Variants in AKR1C2 observed in about 807,000 individuals in gnomAD.
AKR1C2 encodes the protein 3-alpha-HSD3.
Under a neutral mutation model 39.8 loss-of-function variants are expected in AKR1C2, and 27 were observed. That is an observed-to-expected ratio of 0.68 (90% CI 0.50 to 0.93). The LOEUF is 0.93. Ranked by LOEUF, AKR1C2 falls within the 40% of genes least tolerant of loss-of-function variation. The pLI, the probability that AKR1C2 is intolerant of heterozygous loss-of-function variation, is 0.00. For synonymous variants in AKR1C2, 114 were observed against 137.9 expected (o/e 0.83, Z 1.22); for missense variants, 263 against 365.1 (o/e 0.72, Z 2.28).
upstream of AKR1C2, among the ~76,000 whole-genome samples, chr10:5,008,802 T>G (rs144517792): frequency 1.0e-2 from 1,521 of 152,322 alleles, 7 homozygotes; most frequent in African/African-American, 0.035. Context: ...TGCAAAGAAC[T>G]CCGAATATTT....
intron 7 of AKR1C2, 111 bp downstream of exon 7, chr10:4,995,208 G>A (rs1437773590): frequency 1.5e-6 from 2 of 1,362,082 alleles, no homozygotes; most frequent in Non-Finnish European, 1.9e-6. Flanking sequence ...TTCATGCATA[G>A]GAAATACAGG....
At chr10:4,997,242 A>C (rs1310414247) in intron 5 of AKR1C2, 1 of 152,318 alleles carries the variant, frequency 6.6e-6, no homozygotes, top group African/African-American at 2.4e-5. Context: ...ATTTACAGGA[A>C]CCTTCAACTG....
At chr10:5,008,991 G>A (rs2131721514), upstream of AKR1C2, among the ~76,000 whole-genome samples, 2 of 152,280 alleles carry the variant, frequency 1.3e-5, no homozygotes, top group East Asian at 1.9e-4. Flanking sequence ...TCTGTGAGAG[G>A]CTGTGGAAGC....
In AKR1C2 at chr10:4,995,589, C is replaced by T. The variant is rs527469122; in HGVS notation, c.681-105G>A. On this transcript the variant is annotated intron_variant, in intron 6 of 8. Coordinates refer to ENST00000380753, the MANE Select transcript of AKR1C2 (RefSeq NM_001393392.1). ...CCACTCTGCACCGGAGCTTCTCAAG[C>T]GAGGCCCCCGAACAGCAGCCTCAAC... is the stretch of plus-strand genomic sequence containing the variant. 1.4e-5 allele frequency: 21 copies of T among 1,468,038 alleles called. No individual in the cohort carries two copies. In the African/African-American group the frequency reaches 2.4e-4, roughly 17 times the overall value. The allele number at this position is 1,468,038 out of a possible 1,614,324, so 90.9% of individuals were successfully genotyped here.
rs1173863874 is a variant in AKR1C2, at chr10:5,017,381, G to A, written c.-88+519C>T. On this transcript the variant is annotated intron_variant, in intron 1 of 6. Coordinates refer to the AKR1C2 transcript ENST00000604507. ...GAGGCAGCCAGGCCACATCTTGCTTGCTTTGATGCTTAGAAATTTCTTCCA... is the reference window on the plus strand; with the variant it reads ...GAGGCAGCCAGGCCACATCTTGCTTACTTTGATGCTTAGAAATTTCTTCCA... 2.0e-5 allele frequency among the ~76,000 whole-genome samples: 3 copies of A among 152,176 alleles called. No homozygotes were observed. In the East Asian group the frequency reaches 5.8e-4, roughly 29 times the overall value.
chr10:5,011,528 A>T (rs782402514), intron 1 of AKR1C2, among the ~76,000 whole-genome samples: 3 of 152,184 alleles, frequency 2.0e-5, no homozygotes, highest in African/African-American at 7.2e-5. Context: ...AGCTTTTGGC[A>T]AGATGGTCTA....
Position 4,989,557 on chromosome 10 carries a change from C to T in AKR1C2, c.*439G>A, listed in dbSNP as rs1282993732. 25 of 169,410 alleles carry T rather than the reference C, an allele frequency of 1.5e-4. No individual in the cohort carries two copies. The highest frequency in any genetic ancestry group is 5.4e-4 in the African/African-American group (22 of 40,920). The allele number at this position is 169,410 out of a possible 1,614,324, so 10.5% of individuals were successfully genotyped here. A position where few individuals can be genotyped will look rare whatever the true frequency, so the allele number is the denominator to read the frequency against. On this transcript the variant is annotated 3_prime_UTR_variant, in exon 9 of 9. Transcript: ENST00000380753. Reference sequence around the variant, plus strand: ...TCCTCTAGACTCCATCCTGCGTGTGCTTCTTCCTACAAGAGCTAGAGAGGC... The same window carrying T: ...TCCTCTAGACTCCATCCTGCGTGTGTTTCTTCCTACAAGAGCTAGAGAGGC...
At chr10:4,991,185 A>C (rs1247059035) in intron 8 of AKR1C2, among the ~76,000 whole-genome samples, 1 of 151,286 alleles carries the variant, frequency 6.6e-6, no homozygotes, top group Non-Finnish European at 1.5e-5. Flanking sequence ...ACACTTCCTC[A>C]TTCTCTACAC....
chr10:5,011,575 G>C (rs1280774389), intron 1 of AKR1C2, among the ~76,000 whole-genome samples: 1 of 152,176 alleles, frequency 6.6e-6, no homozygotes, highest in South Asian at 2.1e-4. Flanking sequence ...CTGGCTGCAC[G>C]CACATTGATC....
At position 4,995,908 on chromosome 10, in the gene AKR1C2, T is replaced by A. The variant is rs555081842; in HGVS notation, c.571-43A>T. ...GGAAAAGCATCAGATAATCCAAAAG[T>A]TACATTAATATTAAAATCACCAAAG... On this transcript the variant is annotated intron_variant, in intron 5 of 8. Coordinates refer to ENST00000380753, the MANE Select transcript of AKR1C2 (RefSeq NM_001393392.1). 29 of 1,572,684 alleles carry A rather than the reference T, an allele frequency of 1.8e-5. 2 individuals are homozygous for A. In the South Asian group the frequency reaches 2.3e-4, roughly 12 times the overall value.
intron 1 of AKR1C2, among the ~76,000 whole-genome samples, chr10:5,009,616 GC>G (rs71499621): frequency 0.15 from 22,643 of 151,204 alleles, 2,018 homozygotes; most frequent in South Asian, 0.24. Flanking sequence ...CCCAGCAAAG[GC>G]CCCCACCTTT....
intron 1 of AKR1C2, among the ~76,000 whole-genome samples, chr10:5,009,879 G>T (rs1185536040): frequency 6.8e-6 from 1 of 147,604 alleles, no homozygotes; most frequent in Non-Finnish European, 1.5e-5. Flanking sequence ...TTGGAGAAGA[G>T]TCCGGCCACT....
chr10:5,017,069 T>C (rs1404088474), intron 1 of AKR1C2, among the ~76,000 whole-genome samples: 1 of 152,176 alleles, frequency 6.6e-6, no homozygotes, highest in Non-Finnish European at 1.5e-5. Context: ...CATGAAATTA[T>C]TTTTCTCTCC....
At chr10:5,015,464 A>T (rs559109000) in intron 1 of AKR1C2, among the ~76,000 whole-genome samples, 1 of 152,106 alleles carries the variant, frequency 6.6e-6, no homozygotes, top group Non-Finnish European at 1.5e-5. Flanking sequence ...AGTAGCATAA[A>T]TTCCCTCTGT....
In AKR1C2 at chr10:4,999,330, T is replaced by C. The variant is rs1183160497; in HGVS notation, c.370-53A>G. On this transcript the variant is annotated intron_variant, in intron 3 of 8. Coordinates refer to ENST00000380753, the MANE Select transcript of AKR1C2 (RefSeq NM_001393392.1). ...TGTCACAAGTCAATTTCTCCACACA[T>C]AGCCATGCTCTGAGGTACATTTAAG... 24 of 1,566,938 alleles carry C rather than the reference T, an allele frequency of 1.5e-5. No individual in the cohort carries two copies. The South Asian group carries it at 1.8e-4, about 12-fold the overall frequency.
intron 1 of AKR1C2, among the ~76,000 whole-genome samples, chr10:5,016,587 A>G (rs1198757381): frequency 3.3e-5 from 5 of 152,206 alleles, no homozygotes; most frequent in Non-Finnish European, 7.3e-5. Context: ...GGCTGCTTTC[A>G]CTGGCTGGCA....
rs545909859 is a variant in AKR1C2, at chr10:4,988,926, T to C, written c.*1070A>G. On this transcript the variant is annotated 3_prime_UTR_variant, in exon 9 of 9. Transcript: ENST00000380753. ...CCAAAGTTTGAAACCAGTGTGCTGT[T>C]TTACATAGCCTGTTTCCAAAAGACA... The C allele has an allele frequency of 6.6e-6, 1 of 152,300 alleles. No homozygotes were observed. The highest frequency in any genetic ancestry group is 2.1e-4 in the South Asian group (1 of 4,828). 9.4% of individuals were successfully genotyped at this position (152,300 alleles called of 1,614,324 possible). A position where few individuals can be genotyped will look rare whatever the true frequency, so the allele number is the denominator to read the frequency against.
chr10:4,996,883 A>C (rs2131686576), intron 5 of AKR1C2, among the ~76,000 whole-genome samples: 1 of 152,212 alleles, frequency 6.6e-6, no homozygotes, highest in Admixed American at 6.5e-5. Context: ...GGAAATAACA[A>C]ATAAGAAATA....
At chr10:5,007,092 G>C (rs4620617), upstream of AKR1C2, among the ~76,000 whole-genome samples, 58,037 of 139,878 alleles carry the variant, frequency 0.41, 13,169 homozygotes, top group East Asian at 0.9. Context: ...TTAAAAATTA[G>C]AAAGTTAGTA....
Sources: allele counts gnomAD v4.1 joint callset (sites outside exome capture counted in the v4.1 genomes callset), GRCh38; gene constraint gnomAD v4.1.1; transcripts MANE v1.5; gene names NCBI Gene and HGNC (gene_info 2026-07-23, HGNC 2026-07-21).